COLEC12: variants seen among roughly 807,000 people sequenced by gnomAD.
COLEC12 encodes the protein collectin-12.
COLEC12 carries 33 observed loss-of-function variants against 71.1 expected under a neutral mutation model. The observed-to-expected ratio is 0.46, with a 90% CI of 0.35 to 0.62. The LOEUF is 0.62. COLEC12 is among the 20% of genes least tolerant of loss of function. COLEC12 has a pLI of 0.00. For missense variants in COLEC12, 765 were observed against 916.1 expected (o/e 0.84, Z 2.13); for synonymous variants, 350 against 353.0 (o/e 0.99, Z 0.10).
intron 2 of COLEC12, among the ~76,000 whole-genome samples, chr18:416,936 G>C (rs1431857979): frequency 6.6e-6 from 1 of 152,014 alleles, no homozygotes; most frequent in African/African-American, 2.4e-5. Context: ...AGAGGGTCTA[G>C]CATGGGCAAG....
At position 477,486 on chromosome 18, in the gene COLEC12, T is replaced by C. The variant is rs539972832; in HGVS notation, c.58+3221A>G. 5.4e-5 allele frequency among the ~76,000 whole-genome samples: 8 copies of C among 148,070 alleles called. No individual in the cohort carries two copies. The South Asian group carries it at 1.7e-3, about 31-fold the overall frequency. On this transcript the variant is annotated intron_variant, in intron 2 of 9. Coordinates refer to ENST00000400256, the MANE Select transcript of COLEC12 (RefSeq NM_130386.3). ...CCCTCTATGTCACCCAGTCTATTTT[T>C]GCAACTATAAAAGGCTACAATGTTA...
rs1567884637 is a variant in COLEC12, at chr18:362,128, C to T, written c.59-4606G>A. Among the ~76,000 whole-genome samples the T allele has an allele frequency of 6.6e-6, 1 of 152,212 alleles. No homozygotes were observed. The highest frequency in any genetic ancestry group is 1.9e-4 in the East Asian group (1 of 5,188). ...CCTTCCCCGTGAGCTAGCCCTGTGGCCGCCAGGCATCTGGTGCATGTGGTA... is the reference window on the plus strand; with the variant it reads ...CCTTCCCCGTGAGCTAGCCCTGTGGTCGCCAGGCATCTGGTGCATGTGGTA... On this transcript the variant is annotated intron_variant, in intron 2 of 9. Coordinates refer to ENST00000400256, the MANE Select transcript of COLEC12 (RefSeq NM_130386.3). This position sits in a 1 kb window ranked among gnomAD's most constrained non-coding sequence, Gnocchi z 4.6.
intron 2 of COLEC12, among the ~76,000 whole-genome samples, chr18:456,047 G>A (rs1916866039): frequency 6.6e-6 from 1 of 152,172 alleles, no homozygotes; most frequent in Non-Finnish European, 1.5e-5. Context: ...CAGCCCTCAG[G>A]TGGTAGGACA....
rs777400126 is a variant in COLEC12, at chr18:346,712, A to G, written c.910T>C (p.Ser304Pro). ...TGQMENITTI[S>P]QANEQNLKDL... ...TTCAGGTTCTGCTCGTTGGCTTGAG[A>G]GATAGTGGTGATGTTCTCCATCTGA... The change falls in exon 5 of 10, where the codon TCT becomes CCT. Residue 304 changes from serine (S) to proline (P), a missense_variant. Transcript: ENST00000400256. This position sits in a 1 kb window ranked among gnomAD's most constrained non-coding sequence, Gnocchi z 4.0. 6.2e-7 allele frequency: 1 copy of G among 1,613,990 alleles called. No individual in the cohort carries two copies. The highest frequency in any genetic ancestry group is 1.7e-5 in the Admixed American group (1 of 60,010).
At chr18:421,629 C>T (rs1339966098) in intron 2 of COLEC12, among the ~76,000 whole-genome samples, 1 of 152,238 alleles carries the variant, frequency 6.6e-6, no homozygotes, top group East Asian at 1.9e-4. Flanking sequence ...ATGAGTAATG[C>T]ACAGAAAGTC....
chr18:499,983 A>G (rs933672085), intron 1 of COLEC12, among the ~76,000 whole-genome samples: 1 of 152,140 alleles, frequency 6.6e-6, no homozygotes, highest in African/African-American at 2.4e-5. Context: ...AGCCAGCTGA[A>G]CTCCTCGGGC....
At chr18:396,676 C>T (rs1423367594) in intron 2 of COLEC12, among the ~76,000 whole-genome samples, 1 of 152,242 alleles carries the variant, frequency 6.6e-6, no homozygotes, top group Admixed American at 6.5e-5. Flanking sequence ...TCCAGATGGA[C>T]CAGCCCTTCT....
intron 2 of COLEC12, among the ~76,000 whole-genome samples, chr18:469,099 A>C (rs1004678997): frequency 4.6e-5 from 7 of 152,184 alleles, no homozygotes; most frequent in African/African-American, 1.4e-4. Context: ...CTCATCCCCA[A>C]CCTTTTCTGC....
At chr18:484,338 C>T (rs1464718507) in intron 1 of COLEC12, among the ~76,000 whole-genome samples, 1 of 152,178 alleles carries the variant, frequency 6.6e-6, no homozygotes, top group Non-Finnish European at 1.5e-5. Context: ...AAAACAAAGG[C>T]CTCACAGGCC....
chr18:361,416 C>T (rs1914740672), intron 2 of COLEC12, among the ~76,000 whole-genome samples: 1 of 152,186 alleles, frequency 6.6e-6, no homozygotes, highest in Non-Finnish European at 1.5e-5. Flanking sequence ...GAAGCTTCCT[C>T]TTCCATTCCC....
intron 2 of COLEC12, among the ~76,000 whole-genome samples, chr18:406,433 C>T (rs925859324): frequency 3.6e-5 from 5 of 138,998 alleles, no homozygotes; most frequent in African/African-American, 1.3e-4. Context: ...GGCGTGAACC[C>T]GGGAAGCGGA....
chr18:343,099 A>T (rs1914293253), intron 5 of COLEC12, among the ~76,000 whole-genome samples: 1 of 152,122 alleles, frequency 6.6e-6, no homozygotes, highest in South Asian at 2.1e-4. Context: ...TCTCGTCCAG[A>T]CACTCACACC....
intron 8 of COLEC12, among the ~76,000 whole-genome samples, chr18:328,096 C>T (rs955376939): frequency 1.3e-5 from 2 of 152,134 alleles, no homozygotes; most frequent in African/African-American, 4.8e-5. Flanking sequence ...CCTCAGCCTA[C>T]GCTTTCTATT....
At chr18:389,189 T>C (rs1265027472) in intron 2 of COLEC12, among the ~76,000 whole-genome samples, 1 of 136,010 alleles carries the variant, frequency 7.4e-6, no homozygotes, top group Non-Finnish European at 1.6e-5. Flanking sequence ...AAAATAAATG[T>C]CCATTACACA....
intron 2 of COLEC12, among the ~76,000 whole-genome samples, chr18:475,833 T>C (rs999359925): frequency 6.6e-6 from 1 of 152,182 alleles, no homozygotes; most frequent in African/African-American, 2.4e-5. Context: ...TTTATCTCTT[T>C]GGAGGCTGGG....
chr18:373,704 G>A (rs940006739), intron 2 of COLEC12, among the ~76,000 whole-genome samples: 1 of 152,094 alleles, frequency 6.6e-6, no homozygotes, highest in South Asian at 2.1e-4. Flanking sequence ...GAACCCCAGG[G>A]CCTGGGAGAA....
intron 2 of COLEC12, among the ~76,000 whole-genome samples, chr18:426,819 T>A (rs1379223683): frequency 1.3e-5 from 2 of 152,174 alleles, no homozygotes; most frequent in Non-Finnish European, 2.9e-5. Flanking sequence ...ATTTTAGAGA[T>A]GAAAAGACAG....
intron 2 of COLEC12, among the ~76,000 whole-genome samples, chr18:421,447 C>A (rs2143654855): frequency 6.6e-6 from 1 of 152,220 alleles, no homozygotes; most frequent in Admixed American, 6.5e-5. Flanking sequence ...TACAGATCTT[C>A]CACATTCCCT....
At chr18:344,557 C>T (rs974687394) in intron 5 of COLEC12, among the ~76,000 whole-genome samples, 2 of 152,182 alleles carry the variant, frequency 1.3e-5, no homozygotes, top group African/African-American at 4.8e-5. Context: ...ACATTATCTT[C>T]CAGAGGTGGT....
Sources: allele counts gnomAD v4.1 joint callset (sites outside exome capture counted in the v4.1 genomes callset), GRCh38; gene constraint gnomAD v4.1.1; non-coding constraint Gnocchi (gnomAD v3.1); transcripts MANE v1.5; gene names NCBI Gene and HGNC (gene_info 2026-07-23, HGNC 2026-07-21).